PTPRN: variants seen among roughly 807,000 people sequenced by gnomAD.
PTPRN encodes protein tyrosine phosphatase receptor type N.
A neutral mutation model predicts 108.5 loss-of-function variants in PTPRN; 70 were observed. The observed-to-expected ratio is 0.65, with a 90% CI of 0.53 to 0.79. PTPRN has a LOEUF of 0.79. Among genes scored for constraint, PTPRN ranks in the 30% least tolerant of loss-of-function variants. The pLI is 0.00. For missense variants in PTPRN, 1,136 were observed against 1,295.5 expected (o/e 0.88, Z 1.89); for synonymous variants, 496 against 524.6 (o/e 0.95, Z 0.75).
At chr2:219,291,333 T>C in intron 20 of PTPRN, 137 bp downstream of exon 20, 1 of 920,990 alleles carries the variant, frequency 1.1e-6, no homozygotes, top group Non-Finnish European at 1.8e-6. Context: ...GCTTAGGTCT[T>C]GGCCATTAAA....
At chr2:219,294,249 AAGAC>A (rs1239152807) in intron 19 of PTPRN, 2 of 449,088 alleles carry the variant, frequency 4.5e-6, no homozygotes, top group South Asian at 3.1e-5. Flanking sequence ...AGAGAGAGGA[AAGAC>A]AGGCAGCGGG....
In PTPRN at chr2:219,296,538, C is replaced by T. The variant is rs770347912; in HGVS notation, c.2311-22G>A. ...CAATCTGGAGGCAGGGAAGATACAC[C>T]ATGAGCCAGTGTGGGAAATGCCACT... On this transcript the variant is annotated intron_variant, in intron 16 of 22. Transcript: ENST00000295718. This position sits in a 1 kb window ranked among gnomAD's most constrained non-coding sequence, Gnocchi z 6.0. 2.5e-6 allele frequency: 4 copies of T among 1,613,400 alleles called. No individual in the cohort carries two copies. The highest frequency in any genetic ancestry group is 3.4e-6 in the Non-Finnish European group (4 of 1,179,636).
At chr2:219,300,841 T>G in intron 8 of PTPRN, 102 bp downstream of exon 8, 1 of 1,327,956 alleles carries the variant, frequency 7.5e-7, no homozygotes, top group Non-Finnish European at 1.1e-6. Context: ...AAATGAGGGG[T>G]GGGAGGATAC....
chr2:219,309,337 C>A lies in PTPRN; in HGVS notation c.-5G>T, dbSNP rs534705844. On this transcript the variant is annotated 5_prime_UTR_variant, in exon 1 of 23. Transcript: ENST00000295718. ...AGGCCGCCGCGGGCGCCGCATCTTT[C>A]CGAGCTCCGGGCGCTCGCTCCCGGG... 7.0e-7 allele frequency: 1 copy of A among 1,425,858 alleles called. No homozygotes were observed. Among genetic ancestry groups the A allele is most frequent in the South Asian group, 1.3e-5 (1 of 75,938 alleles). The allele number at this position is 1,425,858 out of a possible 1,614,324, so 88.3% of individuals were successfully genotyped here.
chr2:219,298,933 A>G (rs541418774), intron 12 of PTPRN, 114 bp downstream of exon 12: 2 of 1,282,108 alleles, frequency 1.6e-6, no homozygotes, highest in South Asian at 2.4e-5. Flanking sequence ...GCCTCCAGCC[A>G]GCCGTGCCTA....
intron 12 of PTPRN, 137 bp from the exon 13 acceptor site, chr2:219,298,240 A>T (rs369969435): frequency 6.4e-5 from 51 of 796,530 alleles, no homozygotes; most frequent in East Asian, 6.4e-4. Context: ...GTATGGTGGT[A>T]CAGCCAGATG....
chr2:219,296,849 G>C lies in PTPRN; in HGVS notation c.2237-27C>G. The C allele has an allele frequency of 6.2e-7, 1 of 1,614,066 alleles. No homozygotes were observed. The highest frequency in any genetic ancestry group is 8.5e-7 in the Non-Finnish European group (1 of 1,179,972). On this transcript the variant is annotated intron_variant, in intron 15 of 22. Transcript: ENST00000295718. This position sits in a 1 kb window ranked among gnomAD's most constrained non-coding sequence, Gnocchi z 6.0. The stretch of plus-strand genomic sequence containing the variant: ...TGCACAGACCCGACACCCCACCCCA[G>C]ATGGCCCTCTGGTCATTGGCATCGC...
At chr2:219,294,882 A>G in intron 19 of PTPRN, 93 bp downstream of exon 19, 2 of 1,286,872 alleles carry the variant, frequency 1.6e-6, no homozygotes, top group Non-Finnish European at 2.0e-6. Flanking sequence ...CCGAGGCTCC[A>G]GGCCCGACCC....
chr2:219,292,189 G>A (rs887701042), intron 19 of PTPRN: 2 of 154,300 alleles, frequency 1.3e-5, no homozygotes, highest in Non-Finnish European at 2.9e-5. Context: ...TTGTGCTACT[G>A]CTTGTCTCCC....
chr2:219,302,469 C>T lies in PTPRN; in HGVS notation c.662G>A (p.Arg221Lys). 1.2e-6 allele frequency: 2 copies of T among 1,613,976 alleles called. No individual in the cohort carries two copies. The highest frequency in any genetic ancestry group is 1.7e-6 in the Non-Finnish European group (2 of 1,179,918). ...FHQFGSRDGS[R>K]VSEGSPGMVS... is the part of the protein sequence containing the mutation. ...CATCCCTGGGGAGCCCTCTGAGACC[C>T]TGGAGCCATCACGGGAGCCAAACTG... Residue 221 changes from arginine (R) to lysine (K), a missense_variant, in exon 6 of 23, where the codon AGG (arginine) becomes AAG (lysine). Arg to Lys is a conservative substitution (Grantham distance 26). Coordinates refer to ENST00000295718, the MANE Select transcript of PTPRN (RefSeq NM_002846.4).
intron 1 of PTPRN, chr2:219,308,779 C>G: frequency 8.2e-7 from 1 of 1,224,216 alleles, no homozygotes; most frequent in Non-Finnish European, 1.1e-6. Flanking sequence ...CTCTGCCCAG[C>G]TGGGACTCTA....
Position 219,294,899 on chromosome 2 carries a change from C to G in PTPRN, c.2675+76G>C, listed in dbSNP as rs967637304. 4.7e-5 allele frequency: 64 copies of G among 1,355,722 alleles called. No individual in the cohort carries two copies. In the African/African-American group the frequency reaches 9.2e-4, roughly 20 times the overall value. The allele number at this position is 1,355,722 out of a possible 1,614,324, so 84.0% of individuals were successfully genotyped here. A position where few individuals can be genotyped will look rare whatever the true frequency, so the allele number is the denominator to read the frequency against. On this transcript the variant is annotated intron_variant, in intron 19 of 22. Transcript: ENST00000295718. ...GAGGCTCCAGGCCCGACCCGGGGCT[C>G]CAGGCCGAGCGGCGGGCGGACCCCG...
intron 3 of PTPRN, chr2:219,304,056 A>G: frequency 2.5e-6 from 1 of 393,796 alleles, no homozygotes; most frequent in Non-Finnish European, 4.6e-6. Flanking sequence ...CTGATGAATT[A>G]TGTAACCTTG....
chr2:219,303,531 C>T (rs1249835111), intron 4 of PTPRN, among the ~76,000 whole-genome samples: 1 of 152,154 alleles, frequency 6.6e-6, no homozygotes, highest in African/African-American at 2.4e-5. Flanking sequence ...TCAAAAAATG[C>T]CCGTTTTTCT....
chr2:219,300,815 G>A, intron 8 of PTPRN, 128 bp downstream of exon 8: 1 of 1,049,814 alleles, frequency 9.5e-7, no homozygotes, highest in Admixed American at 2.1e-5. Context: ...CGGTCTCTGG[G>A]CCTTGGTTTC....
rs932930149 is a variant in PTPRN, at chr2:219,299,347, T to G, written c.1561A>C (p.Asn521His). Residue 521 changes from asparagine to histidine, a missense_variant, in exon 11 of 23, where the codon AAT becomes CAT. Coordinates refer to ENST00000295718, the MANE Select transcript of PTPRN (RefSeq NM_002846.4). ...GPALTFRIRH[N>H]EQNLSLADVT... ...TCAGCCAAAGACAGGTTCTGCTCAT[T>G]GTGCCGGATGCGGAAGGTGAGGGCT... 1.2e-6 allele frequency: 2 copies of G among 1,614,220 alleles called. No homozygotes were observed. The highest frequency in any genetic ancestry group is 1.7e-6 in the Non-Finnish European group (2 of 1,180,042).
chr2:219,289,958 G>T lies in PTPRN; in HGVS notation c.*268C>A. On this transcript the variant is annotated 3_prime_UTR_variant, in exon 23 of 23. Transcript: ENST00000295718. The stretch of plus-strand genomic sequence containing the variant: ...GGCCAGGGAATGTAGGCAGGAGAAG[G>T]CTCTGGGTAGAATTGCTACCCATGT... 1 of 485,000 alleles carries T rather than the reference G, an allele frequency of 2.1e-6. No individual in the cohort carries two copies. Among genetic ancestry groups the T allele is most frequent in the East Asian group, 3.5e-5 (1 of 28,310 alleles). 30.0% of individuals were successfully genotyped at this position (485,000 alleles called of 1,614,324 possible).
At chr2:219,305,348 T>C (rs149262614) in intron 3 of PTPRN, among the ~76,000 whole-genome samples, 2,299 of 152,114 alleles carry the variant, frequency 0.015, 64 homozygotes, top group African/African-American at 0.053. Context: ...GTTCAAGTGA[T>C]TCTCCTGCCT....
chr2:219,300,348 G>A, intron 8 of PTPRN, 89 bp from the exon 9 acceptor site: 1 of 1,388,714 alleles, frequency 7.2e-7, no homozygotes, highest in Non-Finnish European at 9.6e-7. Context: ...TGGAGCTCAG[G>A]ACCTGCTTTT....
Sources: allele counts gnomAD v4.1 joint callset (sites outside exome capture counted in the v4.1 genomes callset), GRCh38; gene constraint gnomAD v4.1.1; non-coding constraint Gnocchi (gnomAD v3.1); transcripts MANE v1.5; gene names NCBI Gene and HGNC (gene_info 2026-07-23, HGNC 2026-07-21).